NTNG2: variants seen among roughly 807,000 people sequenced by gnomAD.
NTNG2 encodes netrin-G2.
A neutral mutation model predicts 47.6 loss-of-function variants in NTNG2; 15 were observed. That is an observed-to-expected ratio of 0.32 (90% CI 0.21 to 0.49). The LOEUF (loss-of-function observed/expected upper bound fraction) is 0.49, where lower values mean the gene tolerates loss of function less well. Among genes scored for constraint, NTNG2 ranks in the 20% least tolerant of loss-of-function variants. The pLI, the probability that NTNG2 is intolerant of heterozygous loss-of-function variation, is 0.99. For synonymous variants in NTNG2, 307 were observed against 324.6 expected (o/e 0.95, Z 0.58); for missense variants, 578 against 764.6 (o/e 0.76, Z 2.88).
At chr9:132,193,752 G>A (rs773868588) in intron 2 of NTNG2, among the ~76,000 whole-genome samples, 30 of 152,126 alleles carry the variant, frequency 2.0e-4, no homozygotes, top group Admixed American at 6.5e-4. Context: ...AGTCAGCTCC[G>A]GCCACCATAA....
chr9:132,231,712 C>G lies in NTNG2; in HGVS notation c.1054+1117C>G. ...GCCACTGCGGCCACCACAGCCATGA[C>G]AGGGGCCCCTACTACTCCTGTCCCC... On this transcript the variant is annotated intron_variant, in intron 5 of 7. Coordinates refer to ENST00000393229, the MANE Select transcript of NTNG2 (RefSeq NM_032536.4). The surrounding 1 kb of genome is among the most constrained non-coding windows in gnomAD (Gnocchi z 4.1). The G allele has an allele frequency of 4.4e-6, 1 of 227,682 alleles. No homozygotes were observed. Among genetic ancestry groups the G allele is most frequent in the South Asian group, 4.5e-5 (1 of 22,010 alleles). The allele number at this position is 227,682 out of a possible 1,614,324, so 14.1% of individuals were successfully genotyped here.
At chr9:132,196,177 GTTTTGTTTTTGTTTGT>G (rs1160244763) in intron 2 of NTNG2, among the ~76,000 whole-genome samples, 1 of 151,898 alleles carries the variant, frequency 6.6e-6, no homozygotes, top group Admixed American at 6.6e-5. Context: ...TGTTTGTTTT[GTTTTGTTTTTGTTTGT>G]TTTTGTTTTT....
At chr9:132,202,483 C>A (rs1180542942) in intron 3 of NTNG2, among the ~76,000 whole-genome samples, 1 of 152,212 alleles carries the variant, frequency 6.6e-6, no homozygotes, top group African/African-American at 2.4e-5. Flanking sequence ...CTGCCTCCCG[C>A]GGAGCCTGCT....
intron 2 of NTNG2, among the ~76,000 whole-genome samples, chr9:132,187,004 G>A (rs1837440121): frequency 6.6e-6 from 1 of 152,258 alleles, no homozygotes; most frequent in Non-Finnish European, 1.5e-5. Flanking sequence ...CCCAAATAAT[G>A]CGGGGTGAGG....
rs1554790515 is a variant in NTNG2, at chr9:132,216,414, C to CTCTGTGTG, written c.858-10434_858-10433insCTGTGTGT. On this transcript the variant is annotated intron_variant, in intron 3 of 7. Coordinates refer to ENST00000393229, the MANE Select transcript of NTNG2 (RefSeq NM_032536.4). ...TCTCTCTCTCTCTCTCTCTCTCTCT[C>CTCTGTGTG]TGTGTGTGTGTGTATGTGTGTGTGT... 8.2e-5 allele frequency among the ~76,000 whole-genome samples: 9 copies of CTCTGTGTG among 110,334 alleles called. No individual in the cohort carries two copies. The East Asian group carries it at 2.0e-3, about 25-fold the overall frequency. The allele number at this position is 110,334 out of a possible 152,430, so 72.4% of individuals were successfully genotyped here. A position where few individuals can be genotyped will look rare whatever the true frequency, so the allele number is the denominator to read the frequency against.
intron 2 of NTNG2, among the ~76,000 whole-genome samples, chr9:132,175,134 G>A (rs1836326183): frequency 6.6e-6 from 1 of 151,928 alleles, no homozygotes; most frequent in Non-Finnish European, 1.5e-5. Context: ...CAGGTGATTC[G>A]AGGGGAAAGT....
intron 1 of NTNG2, among the ~76,000 whole-genome samples, chr9:132,164,051 G>A (rs11243652): frequency 0.013 from 2,036 of 152,052 alleles, 44 homozygotes; most frequent in African/African-American, 0.047. Flanking sequence ...CTCGTTATCC[G>A]GGGACTCCTG....
Position 132,236,013 on chromosome 9 carries a change from C to T in NTNG2, c.1055-3091C>T, listed in dbSNP as rs75804539. On this transcript the variant is annotated intron_variant, in intron 5 of 7. Transcript: ENST00000393229. This position sits in a 1 kb window ranked among gnomAD's most constrained non-coding sequence, Gnocchi z 4.3. Reference sequence around the variant, plus strand: ...CCCCCACGCCAAGCCCTTCCACCAGCACTCCCTCCGAGGGCTTCGGAGTCT... The same window carrying T: ...CCCCCACGCCAAGCCCTTCCACCAGTACTCCCTCCGAGGGCTTCGGAGTCT... Among the ~76,000 whole-genome samples the T allele has an allele frequency of 7.8e-3, 1,191 of 152,334 alleles. 15 individuals are homozygous for T. The highest frequency in any genetic ancestry group is 0.027 in the African/African-American group (1,117 of 41,568).
In NTNG2 at chr9:132,231,520, C is replaced by T. The variant is rs552835849; in HGVS notation, c.1054+925C>T. 1.2e-4 allele frequency: 41 copies of T among 353,918 alleles called. No individual in the cohort carries two copies. Among genetic ancestry groups the T allele is most frequent in the African/African-American group, 4.1e-4 (19 of 46,320 alleles). The allele number at this position is 353,918 out of a possible 1,614,324, so 21.9% of individuals were successfully genotyped here. On this transcript the variant is annotated intron_variant, in intron 5 of 7. Coordinates refer to ENST00000393229, the MANE Select transcript of NTNG2 (RefSeq NM_032536.4). The surrounding 1 kb of genome is among the most constrained non-coding windows in gnomAD (Gnocchi z 4.1). The stretch of plus-strand genomic sequence containing the variant: ...CTGGGAAGCCAGTGAGCCGAGAGGG[C>T]GCCAGAAAGAAGCTGGACCCTGCAG...
chr9:132,223,688 G>A (rs1047936138), intron 3 of NTNG2, among the ~76,000 whole-genome samples: 2 of 152,126 alleles, frequency 1.3e-5, no homozygotes, highest in Non-Finnish European at 1.5e-5. Flanking sequence ...AAAAGATGCC[G>A]CACACCCCAG....
At position 132,236,573 on chromosome 9, in the gene NTNG2, A is replaced by G. The variant is rs1208101521; in HGVS notation, c.1055-2531A>G. Among the ~76,000 whole-genome samples, 1 of 152,238 alleles carries G rather than the reference A, an allele frequency of 6.6e-6. No individual in the cohort carries two copies. Among genetic ancestry groups the G allele is most frequent in the Non-Finnish European group, 1.5e-5 (1 of 68,036 alleles). On this transcript the variant is annotated intron_variant, in intron 5 of 7. Coordinates refer to ENST00000393229, the MANE Select transcript of NTNG2 (RefSeq NM_032536.4). The surrounding 1 kb of genome is among the most constrained non-coding windows in gnomAD (Gnocchi z 4.3). Reference sequence around the variant, plus strand: ...AGGGCTTTGAGCGCCCTCTACTGGCAGGAAGCTCTGGCGCTGGAAGCATGT... The same window carrying G: ...AGGGCTTTGAGCGCCCTCTACTGGCGGGAAGCTCTGGCGCTGGAAGCATGT...
chr9:132,201,059 C>A (rs1018349276), intron 3 of NTNG2, among the ~76,000 whole-genome samples: 1 of 152,278 alleles, frequency 6.6e-6, no homozygotes, highest in Admixed American at 6.5e-5. Context: ...CCCTCATCTT[C>A]AGGCAACTGT....
chr9:132,202,891 G>A (rs1047115983), intron 3 of NTNG2, among the ~76,000 whole-genome samples: 1 of 152,182 alleles, frequency 6.6e-6, no homozygotes, highest in Non-Finnish European at 1.5e-5. Context: ...GGAGATGGAT[G>A]ACTGTAACCT....
intron 3 of NTNG2, among the ~76,000 whole-genome samples, chr9:132,202,498 G>A (rs1187853964): frequency 2.0e-5 from 3 of 152,218 alleles, no homozygotes; most frequent in Non-Finnish European, 4.4e-5. Flanking sequence ...CCTGCTCCAC[G>A]TGCCCATTCC....
chr9:132,199,431 A>G (rs972960106), intron 3 of NTNG2, among the ~76,000 whole-genome samples: 5 of 152,238 alleles, frequency 3.3e-5, no homozygotes, highest in African/African-American at 9.6e-5. Context: ...AGGAGATACC[A>G]GGTGCAAGCT....
chr9:132,188,829 C>A (rs1010758082), intron 2 of NTNG2, among the ~76,000 whole-genome samples: 1 of 152,106 alleles, frequency 6.6e-6, no homozygotes, highest in African/African-American at 2.4e-5. Flanking sequence ...GAAGATTTCC[C>A]GAGTCCCTGA....
rs570789777 is a variant in NTNG2, at chr9:132,197,128, G to T, written c.214-838G>T. On this transcript the variant is annotated intron_variant, in intron 2 of 7. Coordinates refer to ENST00000393229, the MANE Select transcript of NTNG2 (RefSeq NM_032536.4). This position sits in a 1 kb window ranked among gnomAD's most constrained non-coding sequence, Gnocchi z 4.3. Reference sequence around the variant, plus strand: ...TCAGGGGCCGGGCGCAGTGGCTCACGTCTGCAATCCCAGCACTTTGGGAGG... The same window carrying T: ...TCAGGGGCCGGGCGCAGTGGCTCACTTCTGCAATCCCAGCACTTTGGGAGG... Among the ~76,000 whole-genome samples, 1 of 152,176 alleles carries T rather than the reference G, an allele frequency of 6.6e-6. No homozygotes were observed. Among genetic ancestry groups the T allele is most frequent in the Admixed American group, 6.5e-5 (1 of 15,284 alleles).
Position 132,182,568 on chromosome 9 carries a change from T to G in NTNG2, c.214-15398T>G, listed in dbSNP as rs953017333. Among the ~76,000 whole-genome samples, 23 of 152,168 alleles carry G rather than the reference T, an allele frequency of 1.5e-4. No individual in the cohort carries two copies. The highest frequency in any genetic ancestry group is 5.3e-4 in the African/African-American group (22 of 41,446). ...TGGAGGCAGCAGCCACGACCTTGGG[T>G]GGACGCTGCGCCTCATCAGCCCTGA... On this transcript the variant is annotated intron_variant, in intron 2 of 7. Transcript: ENST00000393229. The surrounding 1 kb of genome is among the most constrained non-coding windows in gnomAD (Gnocchi z 4.2).
At chr9:132,202,681 G>A (rs750110038) in intron 3 of NTNG2, among the ~76,000 whole-genome samples, 1 of 152,134 alleles carries the variant, frequency 6.6e-6, no homozygotes, top group Non-Finnish European at 1.5e-5. Context: ...AGGGGCCTCC[G>A]CCCCCACCCT....
Sources: gnomAD v4.1 joint callset for allele counts (sites outside exome capture counted in the v4.1 genomes callset) on GRCh38, gnomAD v4.1.1 for gene constraint, Gnocchi (gnomAD v3.1) non-coding constraint, MANE v1.5 for transcripts, NCBI Gene and HGNC (gene_info 2026-07-23, HGNC 2026-07-21) for gene names.